The following TENM4 variants were observed in gnomAD, a reference collection of about 807,000 sequenced individuals.
The protein encoded by TENM4 is teneurin transmembrane protein 4.
Under a neutral mutation model 243.3 loss-of-function variants are expected in TENM4, and 82 were observed. The observed-to-expected ratio is 0.34, with a 90% CI of 0.28 to 0.40. The LOEUF (loss-of-function observed/expected upper bound fraction) is 0.40, where lower values mean the gene tolerates loss of function less well. Ranked by LOEUF, TENM4 falls within the 10% of genes least tolerant of loss-of-function variation. TENM4 has a pLI of 1.00. For synonymous variants in TENM4, 1,412 were observed against 1,456.3 expected (o/e 0.97, Z 0.69); for missense variants, 3,138 against 3,673.3 (o/e 0.85, Z 3.77).
intron 6 of TENM4, among the ~76,000 whole-genome samples, chr11:79,026,955 AAG>A (rs1859096283): frequency 6.6e-6 from 1 of 152,156 alleles, no homozygotes; most frequent in African/African-American, 2.4e-5. Context: ...TCATGTGAGT[AAG>A]TGAGTGGGCT....
intron 6 of TENM4, among the ~76,000 whole-genome samples, chr11:79,002,008 A>G (rs1463062070): frequency 6.6e-6 from 1 of 151,948 alleles, no homozygotes; most frequent in East Asian, 1.9e-4. Flanking sequence ...TGGTGCATCC[A>G]GGGTGCACCT....
In TENM4 at chr11:79,360,706, G is replaced by A. The variant is rs541237387; in HGVS notation, c.-320-63163C>T. On this transcript the variant is annotated intron_variant, in intron 1 of 33. Transcript: ENST00000278550. ...CCGTGTGAATTACCAATTCTCTCGA[G>A]ACTTTATTTAAGGGTAACTTTATGG... 2.6e-5 allele frequency among the ~76,000 whole-genome samples: 4 copies of A among 152,290 alleles called. No individual in the cohort carries two copies. In the South Asian group the frequency reaches 8.3e-4, roughly 32 times the overall value.
At chr11:78,777,855 A>G (rs1591016290) in intron 17 of TENM4, among the ~76,000 whole-genome samples, 1 of 152,192 alleles carries the variant, frequency 6.6e-6, no homozygotes, top group Admixed American at 6.5e-5. Flanking sequence ...CAGAGCACAC[A>G]TATCTGATTA....
chr11:79,155,723 C>T (rs978334731), intron 3 of TENM4, among the ~76,000 whole-genome samples: 1 of 145,912 alleles, frequency 6.9e-6, no homozygotes, highest in Non-Finnish European at 1.5e-5. Flanking sequence ...CTCCCTCCCT[C>T]CCTCCGTCCC....
chr11:78,746,128 A>G (rs1190527717), intron 19 of TENM4, among the ~76,000 whole-genome samples: 2 of 152,056 alleles, frequency 1.3e-5, no homozygotes, highest in Non-Finnish European at 2.9e-5. Context: ...GACAGGAGGG[A>G]GGAGTTTACC....
chr11:79,375,675 C>A (rs974999750), intron 1 of TENM4, among the ~76,000 whole-genome samples: 1 of 152,096 alleles, frequency 6.6e-6, no homozygotes. Context: ...AGACCCCTGC[C>A]CTTCGGAAGA....
chr11:79,312,004 A>C (rs1362133560), intron 1 of TENM4, among the ~76,000 whole-genome samples: 4 of 152,154 alleles, frequency 2.6e-5, no homozygotes, highest in South Asian at 4.1e-4. Flanking sequence ...CAAGGAGGAG[A>C]GCCTCCAAGG....
chr11:78,779,214 T>C (rs770204254), intron 16 of TENM4, among the ~76,000 whole-genome samples: 1 of 152,236 alleles, frequency 6.6e-6, no homozygotes, highest in Non-Finnish European at 1.5e-5. Context: ...GAATTTTCCA[T>C]GTACACATGT....
intron 17 of TENM4, among the ~76,000 whole-genome samples, chr11:78,777,197 G>A (rs1309734909): frequency 6.6e-6 from 1 of 152,152 alleles, no homozygotes; most frequent in Non-Finnish European, 1.5e-5. Flanking sequence ...TGAAATGCCT[G>A]TTTTTAAAGA....
rs1859654803 is a variant in TENM4 at position 79,046,258 on chromosome 11, G to A, written c.493+18480C>T. Among the ~76,000 whole-genome samples, 4 of 152,190 alleles carry A rather than the reference G, an allele frequency of 2.6e-5. No individual in the cohort carries two copies. The South Asian group carries it at 8.3e-4, about 31-fold the overall frequency. ...GAGGGAGTTGCAGCCAGGCCTCAGG[G>A]GCCCAGCATGGAGAGTGGCAACTGC... is the stretch of plus-strand genomic sequence containing the variant. On this transcript the variant is annotated intron_variant, in intron 6 of 33. Coordinates refer to ENST00000278550, the MANE Select transcript of TENM4 (RefSeq NM_001098816.3).
intron 7 of TENM4, among the ~76,000 whole-genome samples, chr11:78,895,082 G>A (rs906825831): frequency 5.5e-5 from 8 of 146,688 alleles, no homozygotes; most frequent in African/African-American, 1.2e-4. Flanking sequence ...TGTGGCTCAC[G>A]CCTGTAATCC....
intron 4 of TENM4, among the ~76,000 whole-genome samples, chr11:79,083,072 C>T (rs1357013234): frequency 6.6e-6 from 1 of 152,210 alleles, no homozygotes; most frequent in Non-Finnish European, 1.5e-5. Flanking sequence ...TGCTCCCATT[C>T]CTTTCATCCA....
intron 9 of TENM4, among the ~76,000 whole-genome samples, chr11:78,882,547 A>C (rs1167509287): frequency 1.3e-5 from 2 of 152,190 alleles, no homozygotes; most frequent in Non-Finnish European, 2.9e-5. Context: ...AACTCCATTA[A>C]AAAGAAGGGA....
rs1044289984 is a variant in TENM4, at chr11:79,438,160, T to G, written c.-321+2349A>C. 6.6e-6 allele frequency among the ~76,000 whole-genome samples: 1 copy of G among 152,060 alleles called. No individual in the cohort carries two copies. Among genetic ancestry groups the G allele is most frequent in the African/African-American group, 2.4e-5 (1 of 41,406 alleles). ...ACATCACCATCTCCTGACTGCGGGC[T>G]GGGGGGAAGGGAGTTCAGGGCCAAT... On this transcript the variant is annotated intron_variant, in intron 1 of 33. Transcript: ENST00000278550. This position sits in a 1 kb window ranked among gnomAD's most constrained non-coding sequence, Gnocchi z 4.1.
chr11:79,064,703 C>T (rs2136985856), intron 6 of TENM4, 35 bp downstream of exon 6: 1 of 1,550,316 alleles, frequency 6.5e-7, no homozygotes. Context: ...GCCCCACCAC[C>T]CAGGCACCCG....
chr11:79,404,613 G>A (rs908047952), intron 1 of TENM4, among the ~76,000 whole-genome samples: 2 of 152,152 alleles, frequency 1.3e-5, no homozygotes, highest in Non-Finnish European at 2.9e-5. Flanking sequence ...TTTATGTTCT[G>A]TGAATTTTAC....
intron 1 of TENM4, among the ~76,000 whole-genome samples, chr11:79,325,467 G>T (rs1377366441): frequency 6.6e-6 from 1 of 152,142 alleles, no homozygotes; most frequent in Non-Finnish European, 1.5e-5. Context: ...TGAAAGGAAT[G>T]CCCCACTGGT....
intron 1 of TENM4, among the ~76,000 whole-genome samples, chr11:79,352,482 C>T (rs1426517641): frequency 6.6e-6 from 1 of 152,362 alleles, no homozygotes; most frequent in East Asian, 1.9e-4. Context: ...GCTCCTCACA[C>T]CACTGCCTGG....
At chr11:78,738,675 A>C (rs1855853908) in intron 19 of TENM4, 105 bp from the exon 20 acceptor site, 1 of 1,204,162 alleles carries the variant, frequency 8.3e-7, no homozygotes, top group South Asian at 1.5e-5. Flanking sequence ...AGTCACTCAG[A>C]CACATCTTGT....
Sources: allele counts gnomAD v4.1 joint callset (sites outside exome capture counted in the v4.1 genomes callset), GRCh38; gene constraint gnomAD v4.1.1; non-coding constraint Gnocchi (gnomAD v3.1); transcripts MANE v1.5; gene names NCBI Gene and HGNC (gene_info 2026-07-23, HGNC 2026-07-21).